The following TNS3 variants were observed in gnomAD, a reference collection of about 807,000 sequenced individuals.
The protein encoded by TNS3 is tensin-3.
A neutral mutation model predicts 140.9 loss-of-function variants in TNS3; 45 were observed. The ratio of observed to expected loss-of-function variants is 0.32; its 90% confidence interval spans 0.25 to 0.41. The LOEUF (loss-of-function observed/expected upper bound fraction) is 0.41, where lower values mean the gene tolerates loss of function less well. Among genes scored for constraint, TNS3 ranks in the 10% least tolerant of loss-of-function variants. The pLI, the probability that TNS3 is intolerant of heterozygous loss-of-function variation, is 1.00. For missense variants in TNS3, 1,716 were observed against 1,906.7 expected, an observed-to-expected ratio of 0.90 and a Z score of 1.86; for synonymous variants, 815 against 788.4, an observed-to-expected ratio of 1.03 and a Z score of -0.56.
chr7:47,300,602 G>A (rs1270154235), intron 23 of TNS3, among the ~76,000 whole-genome samples: 1 of 152,212 alleles, frequency 6.6e-6, no homozygotes, highest in Non-Finnish European at 1.5e-5. Context: ...GATCCCCCCT[G>A]CTACAATGAC....
At chr7:47,379,837 G>A (rs962731193) in intron 16 of TNS3, among the ~76,000 whole-genome samples, 14 of 152,334 alleles carry the variant, frequency 9.2e-5, no homozygotes, top group Middle Eastern at 3.4e-3. Context: ...TGAGACTGCC[G>A]GAGGGCGCTG....
chr7:47,562,926 A>C (rs537294890), intron 1 of TNS3, among the ~76,000 whole-genome samples: 1 of 152,174 alleles, frequency 6.6e-6, no homozygotes, highest in Admixed American at 6.5e-5. Context: ...TTTCAGGACA[A>C]CTCCATGAGT....
At chr7:47,287,364 C>T (rs1785474991) in intron 27 of TNS3, among the ~76,000 whole-genome samples, 1 of 152,202 alleles carries the variant, frequency 6.6e-6, no homozygotes, top group Non-Finnish European at 1.5e-5. Flanking sequence ...TTATTCCCAT[C>T]TTTGTGAGTT....
At position 47,575,161 on chromosome 7, in the gene TNS3, TC is replaced by T. The variant is rs556788604; in HGVS notation, c.-265+6889del. Among the ~76,000 whole-genome samples, 17 of 152,292 alleles carry T rather than the reference TC, an allele frequency of 1.1e-4. No individual in the cohort carries two copies. In the South Asian group the frequency reaches 3.5e-3, roughly 32 times the overall value. ...CAAGCATAACACAGGATGTAAATGA[TC>T]AATGAACAAATAGTGAAGTCCAAAT... is the stretch of plus-strand genomic sequence containing the variant. On this transcript the variant is annotated intron_variant, in intron 1 of 30. Transcript: ENST00000311160.
At chr7:47,305,965 G>A in intron 20 of TNS3, among the ~76,000 whole-genome samples, 1 of 152,056 alleles carries the variant, frequency 6.6e-6, no homozygotes, top group Non-Finnish European at 1.5e-5. Context: ...GAAATTTAGA[G>A]ATTTCCAAAT....
At chr7:47,293,615 G>A in intron 25 of TNS3, 118 bp downstream of exon 25, 1 of 815,568 alleles carries the variant, frequency 1.2e-6, no homozygotes. Flanking sequence ...CAGAACTGGG[G>A]ACTGAAATAT....
chr7:47,379,594 T>C (rs1170924056), intron 16 of TNS3, among the ~76,000 whole-genome samples: 1 of 152,216 alleles, frequency 6.6e-6, no homozygotes, highest in East Asian at 1.9e-4. Flanking sequence ...TCTTTTTTTA[T>C]TTTTGTTTTT....
chr7:47,346,475 C>CAGCATCTTCCCAGAGCAGTGG, intron 17 of TNS3, 119 bp from the exon 18 acceptor site: 2 of 1,244,126 alleles, frequency 1.6e-6, no homozygotes, highest in Non-Finnish European at 2.2e-6. Context: ...CTGGTCACCA[C>CAGCATCTTCCCAGAGCAGTGG]TGCTCTGGGA....
At chr7:47,359,242 A>G (rs1790178760) in intron 17 of TNS3, among the ~76,000 whole-genome samples, 1 of 152,202 alleles carries the variant, frequency 6.6e-6, no homozygotes. Flanking sequence ...CATGGGCTGT[A>G]ACACGTCCGG....
At chr7:47,301,088 G>A (rs1039173634) in intron 23 of TNS3, among the ~76,000 whole-genome samples, 4 of 152,186 alleles carry the variant, frequency 2.6e-5, no homozygotes, top group African/African-American at 4.8e-5. Context: ...CATTCCTGAG[G>A]CATCTTCATA....
At position 47,292,869 on chromosome 7, in the gene TNS3, G is replaced by T; in HGVS notation, c.3809C>A (p.Thr1270Lys). Residue 1270 changes from threonine (T) to lysine (K), a missense_variant, in exon 26 of 31, where the codon ACG (threonine) becomes AAG (lysine). Physicochemically the swap from Thr to Lys is moderately conservative, Grantham distance 78 (BLOSUM62 -1). Coordinates refer to ENST00000311160, the MANE Select transcript of TNS3 (RefSeq NM_022748.12). ...LTALVCQHSITPLALPCKLLI... is the reference protein window; with the variant it reads ...LTALVCQHSIKPLALPCKLLI... The stretch of plus-strand genomic sequence containing the variant: ...CAGCTTGCACGGCAAGGCCAAGGGC[G>T]TGATGGAATGCTGGCACACCAAGGC... 1.2e-6 allele frequency: 2 copies of T among 1,614,156 alleles called. No homozygotes were observed. Among genetic ancestry groups the T allele is most frequent in the Non-Finnish European group, 1.7e-6 (2 of 1,180,020 alleles).
chr7:47,304,695 C>T (rs1786642035), intron 21 of TNS3, 137 bp downstream of exon 21: 2 of 870,740 alleles, frequency 2.3e-6, no homozygotes, highest in Non-Finnish European at 1.5e-6. Context: ...CCCTGCCCCG[C>T]CCCATCTTCA....
At chr7:47,449,165 G>A (rs192459230) in intron 4 of TNS3, among the ~76,000 whole-genome samples, 67 of 152,342 alleles carry the variant, frequency 4.4e-4, no homozygotes, top group Admixed American at 1.6e-3. Flanking sequence ...AGCACTGTGC[G>A]CCTGGCACGG....
At chr7:47,495,190 CAAAAA>C (rs11353260) in intron 3 of TNS3, among the ~76,000 whole-genome samples, 4 of 79,680 alleles carry the variant, frequency 5.0e-5, no homozygotes, top group African/African-American at 9.0e-5. Context: ...GACTCCGTCT[CAAAAA>C]AAAAAAAAAA....
At chr7:47,483,901 C>T (rs1797517374) in intron 3 of TNS3, among the ~76,000 whole-genome samples, 1 of 152,252 alleles carries the variant, frequency 6.6e-6, no homozygotes, top group African/African-American at 2.4e-5. Flanking sequence ...CCTTCTCCTG[C>T]CAGGACTTCA....
At chr7:47,544,526 CT>C (rs1193687515) in intron 1 of TNS3, among the ~76,000 whole-genome samples, 1 of 152,152 alleles carries the variant, frequency 6.6e-6, no homozygotes, top group Non-Finnish European at 1.5e-5. Context: ...TTCACCCATT[CT>C]GCCATGGGAG....
At chr7:47,349,925 G>A (rs992333158) in intron 17 of TNS3, among the ~76,000 whole-genome samples, 1 of 152,234 alleles carries the variant, frequency 6.6e-6, no homozygotes, top group African/African-American at 2.4e-5. Flanking sequence ...CATTAAGGCG[G>A]CCTGCTACGT....
In TNS3 at chr7:47,299,572, C is replaced by A. The variant is rs144589940; in HGVS notation, c.3545-2359G>T. Among the ~76,000 whole-genome samples the A allele has an allele frequency of 6.5e-3, 997 of 152,248 alleles. 7 individuals are homozygous for A. Among genetic ancestry groups the A allele is most frequent in the African/African-American group, 0.023 (939 of 41,536 alleles). On this transcript the variant is annotated intron_variant, in intron 23 of 30. Coordinates refer to ENST00000311160, the MANE Select transcript of TNS3 (RefSeq NM_022748.12). Reference sequence around the variant, plus strand: ...TGGTAAATAAAGTGTAGAAGCCTCACGGGACTGAGACTTTGGGCACCTGTG... The same window carrying A: ...TGGTAAATAAAGTGTAGAAGCCTCAAGGGACTGAGACTTTGGGCACCTGTG...
At chr7:47,396,934 C>G in intron 15 of TNS3, 30 bp from the exon 16 acceptor site, 6 of 1,528,044 alleles carry the variant, frequency 3.9e-6, no homozygotes, top group Non-Finnish European at 5.4e-6. Flanking sequence ...CAACATTAGT[C>G]CCAGTGAAAC....
Sources: allele counts gnomAD v4.1 joint callset (sites outside exome capture counted in the v4.1 genomes callset), GRCh38; gene constraint gnomAD v4.1.1; transcripts MANE v1.5; gene names NCBI Gene and HGNC (gene_info 2026-07-23, HGNC 2026-07-21).